The following BIRC6 variants were observed in gnomAD, a reference collection of about 807,000 sequenced individuals.
BIRC6 encodes baculoviral IAP repeat containing 6.
In BIRC6, 98 loss-of-function variants were observed where a neutral mutation model predicts 503.3. The observed-to-expected ratio is 0.19, with a 90% CI of 0.17 to 0.23. The LOEUF (loss-of-function observed/expected upper bound fraction) is 0.23, where lower values mean the gene tolerates loss of function less well. BIRC6 is among the 10% of genes least tolerant of loss of function. The pLI, the probability that BIRC6 is intolerant of heterozygous loss-of-function variation, is 1.00. For missense variants in BIRC6, 5,360 were observed against 5,806.0 expected, an observed-to-expected ratio of 0.92 and a Z score of 2.50; for synonymous variants, 2,240 against 2,078.7, an observed-to-expected ratio of 1.08 and a Z score of -2.11.
intron 13 of BIRC6, 122 bp from the exon 14 acceptor site, chr2:32,435,374 A>T: frequency 1.8e-6 from 2 of 1,103,394 alleles, no homozygotes; most frequent in Middle Eastern, 2.4e-4. Context: ...TCCCAAGTTA[A>T]CAGGAAATTT....
chr2:32,538,359 G>A (rs552995306), intron 61 of BIRC6, among the ~76,000 whole-genome samples: 154 of 152,230 alleles, frequency 1.0e-3, no homozygotes, highest in Non-Finnish European at 2.0e-3. Flanking sequence ...GTCTGTCACC[G>A]AGAGGATACA....
At position 32,583,750 on chromosome 2, in the gene BIRC6, A is replaced by G. The variant is rs563965346; in HGVS notation, c.13355+8384A>G. ...CGTATTGTAATTTTTTTTCCCCCTG[A>G]GACAGTCTCTCACTCTGTCGCCCAG... On this transcript the variant is annotated intron_variant, in intron 66 of 73. Coordinates refer to ENST00000421745, the MANE Select transcript of BIRC6 (RefSeq NM_016252.4). Among the ~76,000 whole-genome samples the G allele has an allele frequency of 2.1e-4, 32 of 152,216 alleles. 1 individual carries two copies. The South Asian group carries it at 2.3e-3, about 11-fold the overall frequency.
At position 32,427,244 on chromosome 2, in the gene BIRC6, C is replaced by A. The variant is rs374219512; in HGVS notation, c.2873-1902C>A. Among the ~76,000 whole-genome samples, 6 of 151,976 alleles carry A rather than the reference C, an allele frequency of 3.9e-5. No homozygotes were observed. In the South Asian group the frequency reaches 1.2e-3, roughly 32 times the overall value. On this transcript the variant is annotated intron_variant, in intron 10 of 73. Transcript: ENST00000421745. ...TACATGTATGTTCTTAATATTTTAT[C>A]TGTCCTGTAGGTCTCCAAGCTTCTT... is the stretch of plus-strand genomic sequence containing the variant.
At chr2:32,510,820 A>T (rs551390650) in intron 53 of BIRC6, among the ~76,000 whole-genome samples, 186 bp downstream of exon 53, 1 of 152,332 alleles carries the variant, frequency 6.6e-6, no homozygotes, top group Non-Finnish European at 1.5e-5. Context: ...ATACATTTGT[A>T]TGTGTTTGGA....
chr2:32,430,835 ATTT>A, intron 11 of BIRC6, 27 bp from the exon 12 acceptor site: 3 of 803,408 alleles, frequency 3.7e-6, no homozygotes, highest in Non-Finnish European at 5.6e-6. Context: ...TTCCACACCT[ATTT>A]CAAATACTGC....
At chr2:32,417,002 A>AT (rs761025340) in intron 10 of BIRC6, among the ~76,000 whole-genome samples, 6 of 151,770 alleles carry the variant, frequency 4.0e-5, no homozygotes, top group Non-Finnish European at 5.9e-5. Context: ...TGCCCGGCTA[A>AT]TTTTTTGTAT....
chr2:32,388,252 A>C (rs1463131514), intron 3 of BIRC6, among the ~76,000 whole-genome samples: 2 of 151,982 alleles, frequency 1.3e-5, no homozygotes, highest in Non-Finnish European at 2.9e-5. Flanking sequence ...ATGGTGGCGC[A>C]TGCCTGTAAT....
At chr2:32,603,799 T>G (rs1187566209) in intron 71 of BIRC6, among the ~76,000 whole-genome samples, 2 of 151,898 alleles carry the variant, frequency 1.3e-5, no homozygotes, top group African/African-American at 2.4e-5. Flanking sequence ...ACTCTGAAAA[T>G]ATCAACAAAT....
At chr2:32,566,397 G>A (rs2059535578) in intron 65 of BIRC6, 1 of 152,294 alleles carries the variant, frequency 6.6e-6, no homozygotes, top group African/African-American at 2.4e-5. Context: ...TCTTGCCCAG[G>A]CTTGGAGTAC....
At chr2:32,380,311 C>G in intron 3 of BIRC6, 21 bp downstream of exon 3, 1 of 1,575,598 alleles carries the variant, frequency 6.3e-7, no homozygotes, top group South Asian at 1.2e-5. Context: ...AATAGATTGC[C>G]TCTTTTGGGG....
intron 71 of BIRC6, among the ~76,000 whole-genome samples, chr2:32,605,234 T>C (rs2062365272): frequency 6.6e-6 from 1 of 152,182 alleles, no homozygotes; most frequent in Non-Finnish European, 1.5e-5. Flanking sequence ...CACCATCAAA[T>C]AGGCCCCAGC....
At chr2:32,485,071 A>G (rs1001495765) in intron 39 of BIRC6, among the ~76,000 whole-genome samples, 2 of 152,212 alleles carry the variant, frequency 1.3e-5, no homozygotes, top group Admixed American at 6.5e-5. Context: ...TTAAAGGAGC[A>G]TGGTATTTCA....
At position 32,549,415 on chromosome 2, in the gene BIRC6, C is replaced by T. The variant is rs1007142372; in HGVS notation, c.13078C>T (p.Leu4360Phe). 8 of 1,509,550 alleles carry T rather than the reference C, an allele frequency of 5.3e-6. No homozygotes were observed. Among genetic ancestry groups the T allele is most frequent in the Non-Finnish European group, 7.2e-6 (8 of 1,108,536 alleles). The allele number at this position is 1,509,550 out of a possible 1,614,324, so 93.5% of individuals were successfully genotyped here. ...GQNSNALPSV[L>F]LELLSQSCLI... Reference sequence around the variant, plus strand: ...GAACAGTAATGCCCTTCCTTCTGTACTTCTCGAGCTTCTCAGTCAGTCCTG... The same window carrying T: ...GAACAGTAATGCCCTTCCTTCTGTATTTCTCGAGCTTCTCAGTCAGTCCTG... The change falls in exon 65 of 74, where the codon CTT (leucine) becomes TTT (phenylalanine). Residue 4360 changes from leucine (L) to phenylalanine (F), a missense_variant. By Grantham distance (22) the Leu-to-Phe change is conservative (BLOSUM62 0). Coordinates refer to ENST00000421745, the MANE Select transcript of BIRC6 (RefSeq NM_016252.4).
At chr2:32,478,576 G>A (rs1209373349) in intron 35 of BIRC6, 59 bp from the exon 36 acceptor site, 1 of 1,442,860 alleles carries the variant, frequency 6.9e-7, no homozygotes, top group African/African-American at 1.4e-5. Flanking sequence ...ACTTCTGTTA[G>A]TGTTTGAAAA....
At chr2:32,417,684 TTAAA>T (rs1226095087) in intron 10 of BIRC6, among the ~76,000 whole-genome samples, 1 of 152,222 alleles carries the variant, frequency 6.6e-6, no homozygotes, top group African/African-American at 2.4e-5. Flanking sequence ...TTTCCTCTCT[TTAAA>T]TAGATTTCAA....
chr2:32,416,248 G>C (rs1193656463), intron 10 of BIRC6, 85 bp downstream of exon 10: 2 of 1,315,084 alleles, frequency 1.5e-6, no homozygotes, highest in Admixed American at 4.9e-5. Flanking sequence ...ATGAATTTTA[G>C]GTTCAAATAG....
At chr2:32,438,315 T>C (rs1337530475) in intron 15 of BIRC6, among the ~76,000 whole-genome samples, 3 of 152,166 alleles carry the variant, frequency 2.0e-5, no homozygotes, top group African/African-American at 7.2e-5. Context: ...CAGAGAATAG[T>C]ACAGTAGTGT....
chr2:32,550,644 T>A (rs752262622), intron 65 of BIRC6, among the ~76,000 whole-genome samples: 1 of 152,178 alleles, frequency 6.6e-6, no homozygotes, highest in African/African-American at 2.4e-5. Context: ...ATTTTCTTAA[T>A]CCTTATACTG....
At chr2:32,616,728 AT>A (rs2063269821) in intron 73 of BIRC6, among the ~76,000 whole-genome samples, 1 of 152,164 alleles carries the variant, frequency 6.6e-6, no homozygotes, top group African/African-American at 2.4e-5. Flanking sequence ...ATTTATTTTA[AT>A]TTACGGATTT....
Sources: allele counts gnomAD v4.1 joint callset (sites outside exome capture counted in the v4.1 genomes callset), GRCh38; gene constraint gnomAD v4.1.1; transcripts MANE v1.5; gene names NCBI Gene and HGNC (gene_info 2026-07-23, HGNC 2026-07-21).